ZNF714: variants seen among roughly 807,000 people sequenced by gnomAD.
ZNF714 encodes the protein zinc finger protein 714.
Under a neutral mutation model 46.2 loss-of-function variants are expected in ZNF714, and 32 were observed. The ratio of observed to expected loss-of-function variants is 0.69; its 90% CI spans 0.52 to 0.93. The LOEUF is 0.93. Among genes scored for constraint, ZNF714 ranks in the 40% least tolerant of loss-of-function variants. The pLI is 0.00. For synonymous variants in ZNF714, 199 were observed against 213.1 expected (o/e 0.93, Z 0.58); for missense variants, 635 against 646.3 (o/e 0.98, Z 0.19).
intron 2 of ZNF714, among the ~76,000 whole-genome samples, chr19:21,094,444 A>G (rs960843932): frequency 2.6e-5 from 4 of 152,326 alleles, no homozygotes; most frequent in Admixed American, 6.5e-5. Flanking sequence ...GAATCACCAC[A>G]CTGCTTTTCA....
At chr19:21,084,519 G>A (rs1968729779) in intron 2 of ZNF714, among the ~76,000 whole-genome samples, 1 of 151,838 alleles carries the variant, frequency 6.6e-6, no homozygotes, top group Admixed American at 6.6e-5. Context: ...GTGAGTAGGA[G>A]TGGGTGGAAG....
intron 4 of ZNF714, among the ~76,000 whole-genome samples, chr19:21,104,087 C>T (rs1002578096): frequency 3.3e-5 from 5 of 152,058 alleles, no homozygotes; most frequent in African/African-American, 4.8e-5. Flanking sequence ...TAAGATATCT[C>T]ATATACATAG....
intron 4 of ZNF714, 141 bp from the exon 5 acceptor site, chr19:21,116,666 T>C: frequency 9.7e-7 from 1 of 1,030,192 alleles, no homozygotes; most frequent in Non-Finnish European, 1.4e-6. Context: ...ATTACATTTA[T>C]ATGTCTATGA....
chr19:21,103,751 C>T (rs1969243330), intron 4 of ZNF714, among the ~76,000 whole-genome samples: 1 of 151,844 alleles, frequency 6.6e-6, no homozygotes, highest in African/African-American at 2.4e-5. Context: ...TTTAAAATAT[C>T]CAGGCATGTT....
chr19:21,114,035 G>A (rs570741663), intron 4 of ZNF714, among the ~76,000 whole-genome samples: 24 of 152,296 alleles, frequency 1.6e-4, no homozygotes, highest in African/African-American at 5.5e-4. Context: ...AGTTCTCTAA[G>A]AATGTGTTTT....
intron 4 of ZNF714, among the ~76,000 whole-genome samples, chr19:21,112,840 T>TTTTTTTTTTTTTTTTTTAGG: frequency 7.5e-6 from 1 of 133,078 alleles, no homozygotes; most frequent in East Asian, 2.2e-4. Flanking sequence ...TTTTTTTTTT[T>TTTTTTTTTTTTTTTTTTAGG]GAGACGGAGT....
Position 21,098,929 on chromosome 19 carries a change from A to C in ZNF714, c.142+19A>C. Reference sequence around the variant, plus strand: ...TCCCCAGGTAGGTGAGAGTGAACACAACAGATGACACAGATGAGAGGTACA... The same window carrying C: ...TCCCCAGGTAGGTGAGAGTGAACACCACAGATGACACAGATGAGAGGTACA... On this transcript the variant is annotated intron_variant, in intron 4 of 4. Coordinates refer to ENST00000456283, the MANE Select transcript of ZNF714 (RefSeq NM_182515.4). The C allele has an allele frequency of 6.8e-7, 1 of 1,474,952 alleles. No individual in the cohort carries two copies. Among genetic ancestry groups the C allele is most frequent in the Non-Finnish European group, 9.4e-7 (1 of 1,065,154 alleles). 91.4% of individuals were successfully genotyped at this position (1,474,952 alleles called of 1,614,324 possible).
intron 2 of ZNF714, among the ~76,000 whole-genome samples, chr19:21,084,873 G>T (rs781073175): frequency 7.2e-5 from 11 of 151,980 alleles, no homozygotes; most frequent in Non-Finnish European, 1.2e-4. Flanking sequence ...GCCCTCCTTG[G>T]CCTCCCAAAG....
At chr19:21,108,865 T>A (rs1969383333) in intron 4 of ZNF714, among the ~76,000 whole-genome samples, 1 of 152,232 alleles carries the variant, frequency 6.6e-6, no homozygotes, top group Non-Finnish European at 1.5e-5. Flanking sequence ...TGTTGCTATG[T>A]ATTTCTTGCT....
chr19:21,110,359 T>C (rs1299639988), intron 4 of ZNF714, among the ~76,000 whole-genome samples: 3 of 152,230 alleles, frequency 2.0e-5, no homozygotes, highest in African/African-American at 7.2e-5. Context: ...ATGTTGAGCT[T>C]TTTTTCATGT....
intron 2 of ZNF714, among the ~76,000 whole-genome samples, chr19:21,095,043 G>C (rs1969003864): frequency 6.6e-6 from 1 of 151,684 alleles, no homozygotes; most frequent in Non-Finnish European, 1.5e-5. Context: ...ATGAATTCTG[G>C]GTATTAAACC....
At chr19:21,094,941 CAT>C (rs992129788) in intron 2 of ZNF714, among the ~76,000 whole-genome samples, 22 of 152,268 alleles carry the variant, frequency 1.4e-4, no homozygotes, top group African/African-American at 3.6e-4. Context: ...TTGTTAGCCA[CAT>C]GTTTGTCTTC....
At chr19:21,107,943 G>A (rs1969361821) in intron 4 of ZNF714, among the ~76,000 whole-genome samples, 1 of 152,124 alleles carries the variant, frequency 6.6e-6, no homozygotes, top group African/African-American at 2.4e-5. Flanking sequence ...TTGTCGTTTT[G>A]AGACAGGATC....
intron 4 of ZNF714, among the ~76,000 whole-genome samples, chr19:21,115,244 C>G (rs1405612288): frequency 4.0e-5 from 6 of 149,772 alleles, no homozygotes; most frequent in Non-Finnish European, 7.5e-5. Flanking sequence ...ATAATGATTT[C>G]TATTCTTTTA....
At chr19:21,104,733 C>T (rs1408127653) in intron 4 of ZNF714, among the ~76,000 whole-genome samples, 1 of 151,994 alleles carries the variant, frequency 6.6e-6, no homozygotes, top group African/African-American at 2.4e-5. Flanking sequence ...CTGCCTCAGC[C>T]TCCCGAGTAG....
chr19:21,094,533 T>G (rs1968992932), intron 2 of ZNF714, among the ~76,000 whole-genome samples: 1 of 152,158 alleles, frequency 6.6e-6, no homozygotes, highest in Non-Finnish European at 1.5e-5. Flanking sequence ...AGCATGTTAC[T>G]GACTTTGGTT....
At chr19:21,098,402 G>A in intron 3 of ZNF714, 91 bp downstream of exon 3, 1 of 1,461,276 alleles carries the variant, frequency 6.8e-7, no homozygotes, top group Non-Finnish European at 9.3e-7. Flanking sequence ...TTTATGCTTT[G>A]TATAAATGAG....
Position 21,095,533 on chromosome 19 carries a change from G to T in ZNF714, c.-84-2652G>T, listed in dbSNP as rs4809121. 6.6e-5 allele frequency among the ~76,000 whole-genome samples: 10 copies of T among 151,832 alleles called. 1 individual carries two copies. In the East Asian group the frequency reaches 2.0e-3, roughly 30 times the overall value. ...GCTGGAGTGCAGTGGTGTGATCTCA[G>T]CTCACTGCAAGCTCCGTGTCCCGGG... On this transcript the variant is annotated intron_variant, in intron 2 of 4. Transcript: ENST00000456283.
intron 4 of ZNF714, among the ~76,000 whole-genome samples, chr19:21,100,659 C>T (rs1969156402): frequency 6.6e-6 from 1 of 151,814 alleles, no homozygotes; most frequent in Admixed American, 6.6e-5. Flanking sequence ...GGAAGCATAA[C>T]GTATGTTAAT....
Sources: allele counts gnomAD v4.1 joint callset (sites outside exome capture counted in the v4.1 genomes callset), GRCh38; gene constraint gnomAD v4.1.1; transcripts MANE v1.5; gene names NCBI Gene and HGNC (gene_info 2026-07-23, HGNC 2026-07-21).